KCNAB1: variants seen among roughly 807,000 people sequenced by gnomAD.
KCNAB1 encodes the protein voltage-gated potassium channel subunit beta-1.
A neutral mutation model predicts 64.6 loss-of-function variants in KCNAB1; 35 were observed. The ratio of observed to expected loss-of-function variants is 0.54; its 90% CI spans 0.41 to 0.72. The LOEUF (loss-of-function observed/expected upper bound fraction) is 0.72. Ranked by LOEUF, KCNAB1 falls within the 30% of genes least tolerant of loss-of-function variation. KCNAB1 has a pLI of 0.00. For synonymous variants in KCNAB1, 177 were observed against 183.8 expected (o/e 0.96, Z 0.30); for missense variants, 401 against 512.9 (o/e 0.78, Z 2.11).
intron 1 of KCNAB1, among the ~76,000 whole-genome samples, chr3:156,181,894 G>A (rs909198180): frequency 6.6e-6 from 1 of 152,146 alleles, no homozygotes; most frequent in Non-Finnish European, 1.5e-5. Context: ...ATTTGAAAAG[G>A]TGGGTCTAGA....
At chr3:156,291,486 C>T (rs1377964659) in intron 1 of KCNAB1, 2 of 1,058,884 alleles carry the variant, frequency 1.9e-6, no homozygotes, top group African/African-American at 3.3e-5. Flanking sequence ...CGCCCAGAAG[C>T]GAGCCCGCAT....
At chr3:156,496,102 G>A (rs1715992835) in intron 8 of KCNAB1, among the ~76,000 whole-genome samples, 1 of 152,144 alleles carries the variant, frequency 6.6e-6, no homozygotes, top group African/African-American at 2.4e-5. Flanking sequence ...TGGGAGGCAG[G>A]GAGTGAGTTG....
intron 1 of KCNAB1, among the ~76,000 whole-genome samples, chr3:156,305,284 C>T (rs1721420804): frequency 6.6e-6 from 1 of 152,114 alleles, no homozygotes; most frequent in African/African-American, 2.4e-5. Flanking sequence ...TGTTATTTAG[C>T]TTTGTATGTG....
intron 1 of KCNAB1, among the ~76,000 whole-genome samples, chr3:156,177,973 T>C (rs1244722258): frequency 1.3e-5 from 2 of 152,138 alleles, no homozygotes; most frequent in African/African-American, 2.4e-5. Flanking sequence ...CCTGACTTCG[T>C]GATCCACCCG....
At chr3:156,532,205 A>C (rs1329916847) in intron 13 of KCNAB1, among the ~76,000 whole-genome samples, 1 of 152,146 alleles carries the variant, frequency 6.6e-6, no homozygotes, top group African/African-American at 2.4e-5. Flanking sequence ...CCACTGGTCC[A>C]GGGCACTAGA....
chr3:156,255,544 C>T lies in KCNAB1; in HGVS notation c.275+134658C>T, dbSNP rs144740770. ...TCTCTCCTGCTCCATCTTCCTCTTA[C>T]ACTCTCTTTTACCACTCCCTCGGAA... On this transcript the variant is annotated intron_variant, in intron 1 of 13. Coordinates refer to ENST00000490337, the MANE Select transcript of KCNAB1 (RefSeq NM_172160.3). 2.5e-4 allele frequency among the ~76,000 whole-genome samples: 38 copies of T among 152,270 alleles called. No homozygotes were observed. In the East Asian group the frequency reaches 3.5e-3, roughly 14 times the overall value.
At chr3:156,136,945 C>T (rs1481232132) in intron 1 of KCNAB1, among the ~76,000 whole-genome samples, 4 of 152,140 alleles carry the variant, frequency 2.6e-5, no homozygotes, top group Non-Finnish European at 4.4e-5. Flanking sequence ...TCTCAAGGGC[C>T]AGTCTTGCCC....
chr3:156,273,417 C>A, intron 1 of KCNAB1: 1 of 323,492 alleles, frequency 3.1e-6, no homozygotes, highest in Admixed American at 3.9e-5. Context: ...TAATTCCCCT[C>A]TGGCTAGGCC....
At chr3:156,361,140 C>A (rs778447272) in intron 1 of KCNAB1, among the ~76,000 whole-genome samples, 1 of 152,040 alleles carries the variant, frequency 6.6e-6, no homozygotes, top group Non-Finnish European at 1.5e-5. Flanking sequence ...AGAGCTTTAC[C>A]GCCCTCATCA....
chr3:156,401,533 G>A (rs569895368), intron 1 of KCNAB1, among the ~76,000 whole-genome samples: 3 of 152,130 alleles, frequency 2.0e-5, no homozygotes, highest in African/African-American at 7.2e-5. Flanking sequence ...CTGGCCCCTC[G>A]ATGTCCAAGT....
At chr3:156,415,787 G>A (rs542283872) in intron 1 of KCNAB1, among the ~76,000 whole-genome samples, 12 of 152,148 alleles carry the variant, frequency 7.9e-5, no homozygotes, top group Non-Finnish European at 1.6e-4. Context: ...TAACAGAATC[G>A]GTTCCCTCAG....
chr3:156,148,388 A>T lies in KCNAB1; in HGVS notation c.275+27502A>T, dbSNP rs531254862. Among the ~76,000 whole-genome samples, 331 of 152,366 alleles carry T rather than the reference A, an allele frequency of 2.2e-3. 1 individual carries two copies. Among genetic ancestry groups the T allele is most frequent in the African/African-American group, 7.3e-3 (304 of 41,582 alleles). On this transcript the variant is annotated intron_variant, in intron 1 of 13. Coordinates refer to ENST00000490337, the MANE Select transcript of KCNAB1 (RefSeq NM_172160.3). ...GCCTTTGCACTTAGAAAGTGCTGGTACATACTTGTTGCTTGATTGAGGTGC... is the reference window on the plus strand; with the variant it reads ...GCCTTTGCACTTAGAAAGTGCTGGTTCATACTTGTTGCTTGATTGAGGTGC...
At chr3:156,210,878 T>G (rs1316379802) in intron 1 of KCNAB1, among the ~76,000 whole-genome samples, 3 of 152,236 alleles carry the variant, frequency 2.0e-5, no homozygotes, top group African/African-American at 7.2e-5. Context: ...ATTTACTTGC[T>G]CAAAGAGGAC....
chr3:156,419,350 A>T (rs1482108355), intron 1 of KCNAB1, among the ~76,000 whole-genome samples: 1 of 152,024 alleles, frequency 6.6e-6, no homozygotes, highest in African/African-American at 2.4e-5. Context: ...AAATAAAAAA[A>T]ATTAGCCAGG....
At chr3:156,177,005 T>C in intron 1 of KCNAB1, 1 of 616,174 alleles carries the variant, frequency 1.6e-6, no homozygotes, top group Non-Finnish European at 2.9e-6. Context: ...CCTCAGTGCA[T>C]AGGGTCCCTG....
At position 156,124,145 on chromosome 3, in the gene KCNAB1, C is replaced by A. The variant is rs140999949; in HGVS notation, c.275+3259C>A. On this transcript the variant is annotated intron_variant, in intron 1 of 13. Coordinates refer to ENST00000490337, the MANE Select transcript of KCNAB1 (RefSeq NM_172160.3). ...TTTATCATTATTAGATATAATATTA[C>A]AATAAACATCTTTGTATCAGATTTT... 9.0e-3 allele frequency among the ~76,000 whole-genome samples: 1,369 copies of A among 151,624 alleles called. 30 individuals are homozygous for A. The highest frequency in any genetic ancestry group is 0.032 in the African/African-American group (1,318 of 41,414).
chr3:156,213,684 T>C (rs2077140818), intron 1 of KCNAB1, among the ~76,000 whole-genome samples: 2 of 152,166 alleles, frequency 1.3e-5, no homozygotes, highest in African/African-American at 4.8e-5. Flanking sequence ...TCTGCCTTTG[T>C]TTTGGAGACT....
At chr3:156,484,154 C>G (rs1190317353) in intron 8 of KCNAB1, among the ~76,000 whole-genome samples, 1 of 151,884 alleles carries the variant, frequency 6.6e-6, no homozygotes, top group Non-Finnish European at 1.5e-5. Flanking sequence ...CCTCCCCCAC[C>G]TTTTTTTTCT....
At chr3:156,245,549 A>G (rs913341021) in intron 1 of KCNAB1, among the ~76,000 whole-genome samples, 20 of 152,120 alleles carry the variant, frequency 1.3e-4, no homozygotes, top group Non-Finnish European at 2.2e-4. Flanking sequence ...CTTCTATGCA[A>G]TTTTGTAATG....
Sources: gnomAD v4.1 joint callset for allele counts (sites outside exome capture counted in the v4.1 genomes callset) on GRCh38, gnomAD v4.1.1 for gene constraint, MANE v1.5 for transcripts, NCBI Gene and HGNC (gene_info 2026-07-23, HGNC 2026-07-21) for gene names.